CPEB3: variants seen among roughly 807,000 people sequenced by gnomAD.
CPEB3 encodes cytoplasmic polyadenylation element binding protein 3, also known as cytoplasmic polyadenylation element-binding protein 3.
In CPEB3, 20 loss-of-function variants were observed where a neutral mutation model predicts 67.2. That is an observed-to-expected ratio of 0.30 (90% CI 0.21 to 0.43). The LOEUF (loss-of-function observed/expected upper bound fraction) is 0.43, where lower values mean the gene tolerates loss of function less well. Ranked by LOEUF, CPEB3 falls within the 20% of genes least tolerant of loss-of-function variation. CPEB3 has a pLI of 1.00. For missense variants in CPEB3, 746 were observed against 968.6 expected (o/e 0.77, Z 3.05); for synonymous variants, 376 against 393.1 (o/e 0.96, Z 0.51).
intron 3 of CPEB3, among the ~76,000 whole-genome samples, chr10:92,186,665 C>A (rs1848708260): frequency 1.3e-5 from 2 of 152,100 alleles, no homozygotes; most frequent in Non-Finnish European, 2.9e-5. Context: ...GAAGTCCTGA[C>A]CTCAAGCGAT....
intron 9 of CPEB3, among the ~76,000 whole-genome samples, chr10:92,076,709 T>G (rs1049063524): frequency 6.6e-6 from 1 of 152,092 alleles, no homozygotes; most frequent in Non-Finnish European, 1.5e-5. Context: ...CCACTGTGCC[T>G]GGCCTACTCA....
At chr10:92,060,159 C>T (rs933042230) in intron 9 of CPEB3, among the ~76,000 whole-genome samples, 9 of 151,800 alleles carry the variant, frequency 5.9e-5, no homozygotes, top group Admixed American at 3.9e-4. Context: ...GAATTTGAGA[C>T]CAGCCTGGTC....
At chr10:92,217,049 A>AT (rs1400269882) in intron 2 of CPEB3, among the ~76,000 whole-genome samples, 1 of 150,582 alleles carries the variant, frequency 6.6e-6, no homozygotes, top group African/African-American at 2.5e-5. Context: ...TAAAAAAAAA[A>AT]AAAAAAAAAT....
At chr10:92,131,438 C>T (rs1038789268) in intron 6 of CPEB3, among the ~76,000 whole-genome samples, 1 of 152,068 alleles carries the variant, frequency 6.6e-6, no homozygotes, top group African/African-American at 2.4e-5. Flanking sequence ...ATGGCATATA[C>T]ACGAAGAAGG....
chr10:92,079,281 CA>C (rs960171485), intron 9 of CPEB3, among the ~76,000 whole-genome samples: 1 of 152,134 alleles, frequency 6.6e-6, no homozygotes, highest in Non-Finnish European at 1.5e-5. Context: ...AAAGGTTTAT[CA>C]AGCATCAATG....
At chr10:92,093,493 G>T (rs1428662518) in intron 7 of CPEB3, among the ~76,000 whole-genome samples, 1 of 151,960 alleles carries the variant, frequency 6.6e-6, no homozygotes, top group African/African-American at 2.4e-5. Flanking sequence ...TGCTCAGTTA[G>T]AAACAGTCTA....
chr10:92,077,814 G>C (rs1842992995), intron 9 of CPEB3, among the ~76,000 whole-genome samples: 2 of 148,822 alleles, frequency 1.3e-5, no homozygotes, highest in South Asian at 4.4e-4. Flanking sequence ...AATGGGAGGA[G>C]AGGGGAGGGG....
Position 92,271,882 on chromosome 10 carries a change from G to T in CPEB3, c.-12+19044C>A, listed in dbSNP as rs1025553391. ...TTTATTCTTGTGGTGTTTGCAAATG[G>T]TGATTTCGTATTTTTATCAACCCTT... On this transcript the variant is annotated intron_variant, in intron 1 of 9. Transcript: ENST00000265997. 3.3e-5 allele frequency among the ~76,000 whole-genome samples: 5 copies of T among 152,094 alleles called. No individual in the cohort carries two copies. In the East Asian group the frequency reaches 7.7e-4, roughly 23 times the overall value.
intron 6 of CPEB3, chr10:92,137,384 T>C (rs1564809510): frequency 7.2e-6 from 8 of 1,108,348 alleles, no homozygotes; most frequent in Middle Eastern, 3.0e-4. Context: ...TACATCAAGA[T>C]GTTTGTACTG....
At chr10:92,169,501 C>A (rs1398854834) in intron 4 of CPEB3, among the ~76,000 whole-genome samples, 1 of 152,192 alleles carries the variant, frequency 6.6e-6, no homozygotes, top group African/African-American at 2.4e-5. Flanking sequence ...TTCTCTCCCC[C>A]AGTAAAGACA....
chr10:92,198,701 C>T (rs77176884), intron 2 of CPEB3, among the ~76,000 whole-genome samples: 13 of 152,308 alleles, frequency 8.5e-5, no homozygotes, highest in South Asian at 2.1e-4. Flanking sequence ...CTCACTACAA[C>T]GCTGCAGAGT....
intron 7 of CPEB3, among the ~76,000 whole-genome samples, chr10:92,097,604 T>C (rs1843941126): frequency 1.3e-5 from 2 of 152,298 alleles, no homozygotes; most frequent in East Asian, 1.9e-4. Context: ...GTGGTATAAA[T>C]ATAATAATTT....
At chr10:92,090,106 A>G (rs1359133040) in intron 8 of CPEB3, among the ~76,000 whole-genome samples, 1 of 152,236 alleles carries the variant, frequency 6.6e-6, no homozygotes, top group African/African-American at 2.4e-5. Flanking sequence ...ATTGAAGTTT[A>G]ATGTATAAAC....
chr10:92,095,828 C>T (rs1403470500), intron 7 of CPEB3, among the ~76,000 whole-genome samples: 3 of 151,578 alleles, frequency 2.0e-5, no homozygotes, highest in African/African-American at 4.8e-5. Flanking sequence ...ACTGGTCCTC[C>T]GTATCTGTGG....
chr10:92,200,852 T>C (rs1849489441), intron 2 of CPEB3, among the ~76,000 whole-genome samples: 1 of 152,198 alleles, frequency 6.6e-6, no homozygotes, highest in African/African-American at 2.4e-5. Flanking sequence ...CTTCTGGTTT[T>C]AGCCAGGCAG....
chr10:92,159,173 G>A (rs1170290013), intron 4 of CPEB3, among the ~76,000 whole-genome samples: 1 of 152,088 alleles, frequency 6.6e-6, no homozygotes, highest in East Asian at 1.9e-4. Flanking sequence ...TGAGACAGAA[G>A]AATTGCTTCA....
intron 1 of CPEB3, chr10:92,243,144 G>C (rs2134711868): frequency 6.6e-6 from 1 of 152,072 alleles, no homozygotes; most frequent in East Asian, 1.9e-4. Flanking sequence ...CCAATTTCAA[G>C]TAACAAAATC....
At chr10:92,171,834 T>G (rs1334458842) in intron 4 of CPEB3, among the ~76,000 whole-genome samples, 2 of 152,120 alleles carry the variant, frequency 1.3e-5, no homozygotes, top group Non-Finnish European at 1.5e-5. Context: ...AGGCTGGTCT[T>G]GAACTCCTGA....
At position 92,239,309 on chromosome 10, in the gene CPEB3, C is replaced by G. The variant is rs1451918333; in HGVS notation, c.1005+37G>C. 6.3e-7 allele frequency: 1 copy of G among 1,582,686 alleles called. No individual in the cohort carries two copies. Among genetic ancestry groups the G allele is most frequent in the African/African-American group, 1.3e-5 (1 of 74,552 alleles). ...CAGAGAAGTGGCAAAAGGAGCGGGG[C>G]AGAGGGAAGGAGTGTGTAGGTGCAG... On this transcript the variant is annotated intron_variant, in intron 2 of 9. Transcript: ENST00000265997. The surrounding 1 kb of genome is among the most constrained non-coding windows in gnomAD (Gnocchi z 6.0).
Sources: allele counts gnomAD v4.1 joint callset (sites outside exome capture counted in the v4.1 genomes callset), GRCh38; gene constraint gnomAD v4.1.1; non-coding constraint Gnocchi (gnomAD v3.1); transcripts MANE v1.5; gene names NCBI Gene and HGNC (gene_info 2026-07-23, HGNC 2026-07-21).